KALRN: variants seen among roughly 807,000 people sequenced by gnomAD.
KALRN encodes kalirin.
A neutral mutation model predicts 353.7 loss-of-function variants in KALRN; 70 were observed. The ratio of observed to expected loss-of-function variants is 0.20; its 90% CI spans 0.16 to 0.24. KALRN has a LOEUF of 0.24. Among genes scored for constraint, KALRN ranks in the 10% least tolerant of loss-of-function variants. KALRN has a pLI of 1.00. For missense variants in KALRN, 2,791 were observed against 3,756.7 expected (o/e 0.74, Z 6.72); for synonymous variants, 1,391 against 1,434.8 (o/e 0.97, Z 0.69).
chr3:124,444,258 A>G (rs1207033134), intron 19 of KALRN, among the ~76,000 whole-genome samples: 1 of 152,212 alleles, frequency 6.6e-6, no homozygotes, highest in African/African-American at 2.4e-5. Flanking sequence ...CCTGGGTCGA[A>G]GGGGCAGCAG....
At chr3:124,659,540 G>A (rs2084543766) in intron 43 of KALRN, 83 bp downstream of exon 43, 3 of 890,094 alleles carry the variant, frequency 3.4e-6, no homozygotes, top group Admixed American at 1.8e-5. Context: ...TAGAGCTAGC[G>A]GTTCTGTCTC....
intron 55 of KALRN, among the ~76,000 whole-genome samples, chr3:124,698,369 T>C (rs1341520304): frequency 6.6e-6 from 1 of 152,246 alleles, no homozygotes; most frequent in Non-Finnish European, 1.5e-5. Flanking sequence ...AGTTGTTCCT[T>C]GTTGTGTCTT....
chr3:124,324,999 T>A (rs2149395630), intron 6 of KALRN, among the ~76,000 whole-genome samples: 1 of 152,318 alleles, frequency 6.6e-6, no homozygotes, highest in Middle Eastern at 3.4e-3. Flanking sequence ...TACCTGATTG[T>A]TTTGACACCT....
rs397990993 is a variant in KALRN, at chr3:124,294,520, C to CTTTT, written c.970-4252_970-4249dup. ...GGGCTGAGACTAAGAAGATTCTCTTCTTTTTTTTTTTTTTTTTTTTTTGAG... is the reference window on the plus strand; with the variant it reads ...GGGCTGAGACTAAGAAGATTCTCTTCTTTTTTTTTTTTTTTTTTTTTTTTTTGAG... On this transcript the variant is annotated intron_variant, in intron 5 of 59. Coordinates refer to ENST00000682506, the MANE Select transcript of KALRN (RefSeq NM_001388419.1). 1.7e-3 allele frequency among the ~76,000 whole-genome samples: 125 copies of CTTTT among 73,890 alleles called. 3 individuals are homozygous for CTTTT. Among genetic ancestry groups the CTTTT allele is most frequent in the South Asian group, 4.9e-3 (7 of 1,430 alleles). 48.5% of individuals were successfully genotyped at this position (73,890 alleles called of 152,430 possible).
intron 1 of KALRN, among the ~76,000 whole-genome samples, chr3:124,087,726 G>A (rs1320770610): frequency 6.6e-6 from 1 of 152,052 alleles, no homozygotes; most frequent in Non-Finnish European, 1.5e-5. Context: ...TGGCTGGGAG[G>A]GGGCTGGGAC....
chr3:124,454,753 C>T (rs774553310), intron 21 of KALRN, among the ~76,000 whole-genome samples: 4 of 151,972 alleles, frequency 2.6e-5, no homozygotes, highest in Non-Finnish European at 2.9e-5. Flanking sequence ...CTAAGCCATA[C>T]GGAATAACAA....
rs147464450 is a variant in KALRN, at chr3:124,669,345, A to G, written c.6703+2162A>G. 2.7e-3 allele frequency among the ~76,000 whole-genome samples: 407 copies of G among 152,366 alleles called. 1 individual carries two copies. The highest frequency in any genetic ancestry group is 9.3e-3 in the African/African-American group (387 of 41,586). Reference sequence around the variant, plus strand: ...GGATCAGACATAAGACACTGTATCGATCAGTCAAAAACAAACCCTGTAGGG... The same window carrying G: ...GGATCAGACATAAGACACTGTATCGGTCAGTCAAAAACAAACCCTGTAGGG... On this transcript the variant is annotated intron_variant, in intron 47 of 59. Transcript: ENST00000682506.
At chr3:124,437,867 T>C (rs1435409807) in intron 17 of KALRN, among the ~76,000 whole-genome samples, 1 of 152,092 alleles carries the variant, frequency 6.6e-6, no homozygotes, top group African/African-American at 2.4e-5. Flanking sequence ...ATCCATGGGG[T>C]ATTTGTTCCA....
intron 45 of KALRN, among the ~76,000 whole-genome samples, chr3:124,666,187 G>A (rs1439955471): frequency 6.6e-6 from 1 of 152,122 alleles, no homozygotes; most frequent in Admixed American, 6.5e-5. Context: ...CCTGCCTTCT[G>A]GCATTTGCCT....
chr3:124,458,707 C>A (rs964154873), intron 23 of KALRN, among the ~76,000 whole-genome samples: 4 of 152,132 alleles, frequency 2.6e-5, no homozygotes, highest in African/African-American at 9.7e-5. Context: ...GTGGGCAGAT[C>A]ACCTTGAAGC....
intron 6 of KALRN, among the ~76,000 whole-genome samples, chr3:124,316,642 G>A (rs966125248): frequency 6.6e-6 from 1 of 152,084 alleles, no homozygotes; most frequent in Admixed American, 6.6e-5. Flanking sequence ...ACCCTGCCCC[G>A]GCTTCTCTAT....
chr3:124,504,472 C>T (rs1289002488), intron 33 of KALRN, among the ~76,000 whole-genome samples: 1 of 152,218 alleles, frequency 6.6e-6, no homozygotes, highest in Non-Finnish European at 1.5e-5. Flanking sequence ...ATTACCCTCC[C>T]ATCCACCCAC....
At chr3:124,198,272 T>G (rs2075632300) in intron 1 of KALRN, among the ~76,000 whole-genome samples, 1 of 152,248 alleles carries the variant, frequency 6.6e-6, no homozygotes, top group Admixed American at 6.5e-5. Flanking sequence ...GGTTTGATTC[T>G]GCACTCCATA....
At chr3:124,246,601 T>C (rs559853790) in intron 3 of KALRN, among the ~76,000 whole-genome samples, 1 of 152,274 alleles carries the variant, frequency 6.6e-6, no homozygotes, top group South Asian at 2.1e-4. Flanking sequence ...CTTATCTGCC[T>C]TTTATGGAGA....
chr3:124,654,639 G>C (rs1401158935), intron 38 of KALRN, among the ~76,000 whole-genome samples: 2 of 152,066 alleles, frequency 1.3e-5, no homozygotes, highest in Admixed American at 6.6e-5. Flanking sequence ...AAGAGTGTTT[G>C]GGTTTGAGGC....
At chr3:124,513,021 C>G (rs762367229) in intron 33 of KALRN, among the ~76,000 whole-genome samples, 2 of 152,018 alleles carry the variant, frequency 1.3e-5, no homozygotes, top group South Asian at 4.2e-4. Flanking sequence ...CAGGGTGATC[C>G]GCTCTCAGGA....
chr3:124,719,172 CAT>C lies in KALRN; in HGVS notation c.8664_8665del (p.Cys2889TyrfsTer13), dbSNP rs1331536464. 4.3e-6 allele frequency: 7 copies of C among 1,614,224 alleles called. No individual in the cohort carries two copies. The highest frequency in any genetic ancestry group is 5.9e-6 in the Non-Finnish European group (7 of 1,180,042). On this transcript the variant is annotated frameshift_variant, in exon 60 of 60. Transcript: ENST00000682506. LOFTEE classifies it high-confidence loss of function. This position sits in a 1 kb window ranked among gnomAD's most constrained non-coding sequence, Gnocchi z 5.3. Reference sequence around the variant, plus strand: ...TTCTTGGATGAGAGCAAAGAGGAGACATGTATCAACGTATGCAGGGTGGATTT... The same window carrying C: ...TTCTTGGATGAGAGCAAAGAGGAGACGTATCAACGTATGCAGGGTGGATTT...
chr3:124,487,396 G>A (rs2062682909), intron 28 of KALRN, among the ~76,000 whole-genome samples: 1 of 152,192 alleles, frequency 6.6e-6, no homozygotes, highest in African/African-American at 2.4e-5. Context: ...AAAAGAAAGA[G>A]GGTATTGCCC....
At chr3:124,664,374 C>CGCGCGT (rs1553719875) in intron 45 of KALRN, among the ~76,000 whole-genome samples, 4 of 137,640 alleles carry the variant, frequency 2.9e-5, no homozygotes, top group Non-Finnish European at 6.0e-5. Flanking sequence ...TGTGTGTGCG[C>CGCGCGT]GCGCGCGCAT....
Sources: allele counts gnomAD v4.1 joint callset (sites outside exome capture counted in the v4.1 genomes callset), GRCh38; gene constraint gnomAD v4.1.1; non-coding constraint Gnocchi (gnomAD v3.1); transcripts MANE v1.5; gene names NCBI Gene and HGNC (gene_info 2026-07-23, HGNC 2026-07-21).